PARP1: variants seen among roughly 807,000 people sequenced by gnomAD.
PARP1 encodes the protein poly(ADP-ribose) polymerase 1.
A neutral mutation model predicts 118.7 loss-of-function variants in PARP1; 44 were observed. The ratio of observed to expected loss-of-function variants is 0.37; its 90% CI spans 0.29 to 0.48. The LOEUF is 0.48. Ranked by LOEUF, PARP1 falls within the 20% of genes least tolerant of loss-of-function variation. The pLI is 0.99. For missense variants in PARP1, 1,100 were observed against 1,272.4 expected (o/e 0.86, Z 2.06); for synonymous variants, 492 against 483.2 (o/e 1.02, Z -0.24).
chr1:226,383,823 T>C (rs1234779524), intron 7 of PARP1, among the ~76,000 whole-genome samples: 1 of 152,240 alleles, frequency 6.6e-6, no homozygotes, highest in Admixed American at 6.5e-5. Context: ...AAAGATACTG[T>C]GCTCCCAGGT....
chr1:226,401,931 T>C, intron 2 of PARP1: 1 of 1,418,514 alleles, frequency 7.0e-7, no homozygotes, highest in Non-Finnish European at 9.2e-7. Context: ...AAACTCTTTG[T>C]TCTTTGCTTA....
At chr1:226,367,342 T>A (rs1047366805) in intron 17 of PARP1, 138 bp downstream of exon 17, 6 of 1,059,786 alleles carry the variant, frequency 5.7e-6, no homozygotes, top group Admixed American at 1.7e-5. Context: ...CGGGAACTTG[T>A]TAGAAAAGTG....
chr1:226,394,634 C>A (rs1664880255), intron 2 of PARP1, among the ~76,000 whole-genome samples: 1 of 152,134 alleles, frequency 6.6e-6, no homozygotes, highest in South Asian at 2.1e-4. Context: ...AAAGACAGGG[C>A]TGGGTGCGGT....
At position 226,386,287 on chromosome 1, in the gene PARP1, C is replaced by A. The variant is rs13306121; in HGVS notation, c.834+39G>T. The A allele has an allele frequency of 5.7e-4, 710 of 1,252,110 alleles. 4 individuals are homozygous for A. In the East Asian group the frequency reaches 0.012, roughly 21 times the overall value. 77.6% of individuals were successfully genotyped at this position (1,252,110 alleles called of 1,614,324 possible). Reference sequence around the variant, plus strand: ...AGTCACTCCACAACGACGGGGTCGGCCTCACATGCGTGTCCCACTTAACAC... The same window carrying A: ...AGTCACTCCACAACGACGGGGTCGGACTCACATGCGTGTCCCACTTAACAC... On this transcript the variant is annotated intron_variant, in intron 6 of 22. Transcript: ENST00000366794.
At chr1:226,363,278 C>T in intron 20 of PARP1, 118 bp from the exon 21 acceptor site, 1 of 771,642 alleles carries the variant, frequency 1.3e-6, no homozygotes, top group South Asian at 1.4e-5. Flanking sequence ...AAAACCCAGA[C>T]CATCTAAACT....
At chr1:226,386,557 T>G in intron 5 of PARP1, 115 bp from the exon 6 acceptor site, 3 of 781,756 alleles carry the variant, frequency 3.8e-6, no homozygotes, top group Non-Finnish European at 7.0e-6. Context: ...ACCAGCGAGC[T>G]GCCCCTGCAA....
At chr1:226,371,279 C>A (rs548619195) in intron 14 of PARP1, among the ~76,000 whole-genome samples, 1 of 152,202 alleles carries the variant, frequency 6.6e-6, no homozygotes, top group Non-Finnish European at 1.5e-5. Context: ...CCTGAGACAT[C>A]GTCTCTGGGG....
intron 2 of PARP1, among the ~76,000 whole-genome samples, chr1:226,398,908 T>C (rs1259866402): frequency 6.6e-6 from 1 of 152,160 alleles, no homozygotes; most frequent in Admixed American, 6.5e-5. Context: ...AACCTGCACA[T>C]GGTGGGTGTT....
At chr1:226,372,940 TA>T (rs1266411097) in intron 14 of PARP1, among the ~76,000 whole-genome samples, 1 of 152,158 alleles carries the variant, frequency 6.6e-6, no homozygotes, top group Admixed American at 6.5e-5. Context: ...AGTGACCTCA[TA>T]AACAAAAGTC....
At chr1:226,361,758 G>A in intron 22 of PARP1, 2 of 663,876 alleles carry the variant, frequency 3.0e-6, no homozygotes, top group Non-Finnish European at 2.7e-6. Flanking sequence ...CTGAGGAGAG[G>A]AGATCATCCT....
At chr1:226,392,173 A>G (rs769490426) in intron 3 of PARP1, 26 bp downstream of exon 3, 98 of 1,420,818 alleles carry the variant, frequency 6.9e-5, no homozygotes, top group Non-Finnish European at 9.0e-5. Context: ...CATAAAGTTC[A>G]GGGATCTGGG....
chr1:226,398,292 T>A (rs1206992113), intron 2 of PARP1, among the ~76,000 whole-genome samples: 1 of 152,002 alleles, frequency 6.6e-6, no homozygotes, highest in Non-Finnish European at 1.5e-5. Flanking sequence ...GACTCAACAG[T>A]AAGAAAACAA....
intron 10 of PARP1, 55 bp from the exon 11 acceptor site, chr1:226,379,696 G>A: frequency 1.4e-6 from 2 of 1,454,126 alleles, no homozygotes; most frequent in Non-Finnish European, 1.9e-6. Context: ...TAAAAAGTAA[G>A]GGGAAGGTAG....
At chr1:226,368,835 C>T (rs755979498) in intron 15 of PARP1, among the ~76,000 whole-genome samples, 1 of 152,182 alleles carries the variant, frequency 6.6e-6, no homozygotes, top group African/African-American at 2.4e-5. Context: ...CTAAGCAATC[C>T]TTACACTCAC....
chr1:226,376,428 C>T (rs1252397306), intron 13 of PARP1, among the ~76,000 whole-genome samples: 4 of 152,130 alleles, frequency 2.6e-5, no homozygotes, highest in African/African-American at 4.8e-5. Flanking sequence ...TAAAGTGTGA[C>T]CTAGCAGAGC....
chr1:226,391,564 G>A (rs1468615490), intron 3 of PARP1, among the ~76,000 whole-genome samples: 1 of 152,206 alleles, frequency 6.6e-6, no homozygotes, highest in Admixed American at 6.5e-5. Context: ...GTGGTTGAAG[G>A]TAGCTGGAGA....
intron 2 of PARP1, among the ~76,000 whole-genome samples, chr1:226,396,191 C>T (rs868626583): frequency 6.6e-6 from 1 of 151,858 alleles, no homozygotes; most frequent in Admixed American, 6.6e-5. Flanking sequence ...ACTAAAAATA[C>T]AAAAATTAGC....
intron 6 of PARP1, 53 bp downstream of exon 6, chr1:226,386,273 A>T: frequency 9.3e-7 from 1 of 1,071,222 alleles, no homozygotes; most frequent in Non-Finnish European, 1.5e-6. Flanking sequence ...GTCACTCCAC[A>T]ACGACGGGGT....
intron 21 of PARP1, 75 bp downstream of exon 21, chr1:226,363,024 C>A: frequency 9.8e-7 from 1 of 1,019,232 alleles, no homozygotes; most frequent in South Asian, 1.3e-5. Context: ...GCAGCCTTCT[C>A]AGGACAGCAA....
Sources: allele counts gnomAD v4.1 joint callset (sites outside exome capture counted in the v4.1 genomes callset), GRCh38; gene constraint gnomAD v4.1.1; transcripts MANE v1.5; gene names NCBI Gene and HGNC (gene_info 2026-07-23, HGNC 2026-07-21).